PLEKHM1: variants seen among roughly 807,000 people sequenced by gnomAD.
The protein encoded by PLEKHM1 is pleckstrin homology domain-containing family M member 1.
In PLEKHM1, 28 loss-of-function variants were observed where a neutral mutation model predicts 94.3. The observed-to-expected ratio is 0.30, with a 90% CI of 0.22 to 0.41. The LOEUF (loss-of-function observed/expected upper bound fraction) is 0.41, where lower values mean the gene tolerates loss of function less well. PLEKHM1 is among the 10% of genes least tolerant of loss of function. PLEKHM1 has a pLI of 1.00. For synonymous variants in PLEKHM1, 424 were observed against 581.2 expected (o/e 0.73, Z 3.89); for missense variants, 907 against 1,358.6 (o/e 0.67, Z 5.22).
At chr17:45,468,100 G>A (rs1404991756) in intron 5 of PLEKHM1, 109 bp downstream of exon 5, 4 of 1,335,452 alleles carry the variant, frequency 3.0e-6, no homozygotes, top group Non-Finnish European at 2.1e-6. Flanking sequence ...TGCAGGGAGA[G>A]GAAGGCTAAC....
intron 1 of PLEKHM1, among the ~76,000 whole-genome samples, chr17:45,484,788 G>A (rs2052059245): frequency 6.6e-6 from 1 of 152,118 alleles, no homozygotes; most frequent in African/African-American, 2.4e-5. Flanking sequence ...AACAGGGGGT[G>A]CAGGGGAACA....
chr17:45,455,881 C>T (rs2050931104), intron 6 of PLEKHM1, among the ~76,000 whole-genome samples: 2 of 152,168 alleles, frequency 1.3e-5, no homozygotes, highest in Admixed American at 1.3e-4. Flanking sequence ...TGGCGGCCAT[C>T]TCCCTTAGCT....
rs1555585149 is a variant in PLEKHM1, at chr17:45,478,194, G to A, written c.49-47C>T. 1.2e-5 allele frequency: 20 copies of A among 1,613,066 alleles called. No homozygotes were observed. The Middle Eastern group carries it at 2.0e-3, about 160-fold the overall frequency. On this transcript the variant is annotated intron_variant, in intron 2 of 11. Transcript: ENST00000430334. Reference sequence around the variant, plus strand: ...ACAGGCCTTTAGCGGAAAATCCTATGGAGAGTCCCTAGAGTGTAATCCTTT... The same window carrying A: ...ACAGGCCTTTAGCGGAAAATCCTATAGAGAGTCCCTAGAGTGTAATCCTTT...
At chr17:45,451,390 T>C (rs554857899) in intron 7 of PLEKHM1, among the ~76,000 whole-genome samples, 45 of 151,592 alleles carry the variant, frequency 3.0e-4, no homozygotes, top group African/African-American at 1.1e-3. Flanking sequence ...GGAATGGGAG[T>C]GGGATGTGCC....
chr17:45,468,425 G>A lies in PLEKHM1; in HGVS notation c.1092C>T (p.Ala364=). 6.2e-7 allele frequency: 1 copy of A among 1,614,230 alleles called. No homozygotes were observed. Among genetic ancestry groups the A allele is most frequent in the Non-Finnish European group, 8.5e-7 (1 of 1,180,048 alleles). Reference sequence around the variant, plus strand: ...CGTGGACACCATCTTGAGTTCCAGAGGCTGCCTGGGCAGGAAGGGGCTCTG... The same window carrying A: ...CGTGGACACCATCTTGAGTTCCAGAAGCTGCCTGGGCAGGAAGGGGCTCTG... ...APAEPLPAQA[A]SGTQDGVHVQ... Residue 364 remains alanine, a synonymous_variant, in exon 5 of 12, where the codon GCC becomes GCT. Coordinates refer to ENST00000430334, the MANE Select transcript of PLEKHM1 (RefSeq NM_014798.3).
chr17:45,472,830 C>A (rs578176808), intron 4 of PLEKHM1, among the ~76,000 whole-genome samples: 48 of 152,312 alleles, frequency 3.2e-4, no homozygotes, highest in African/African-American at 1.1e-3. Context: ...CACCACCCAA[C>A]GCTGGTGCTC....
At chr17:45,467,844 G>A (rs1262140829) in intron 5 of PLEKHM1, among the ~76,000 whole-genome samples, 1 of 152,226 alleles carries the variant, frequency 6.6e-6, no homozygotes, top group Non-Finnish European at 1.5e-5. Context: ...TCAGAGAGCT[G>A]AAGTGACTTG....
At chr17:45,474,651 C>G (rs915202378) in intron 4 of PLEKHM1, among the ~76,000 whole-genome samples, 1 of 152,154 alleles carries the variant, frequency 6.6e-6, no homozygotes, top group Non-Finnish European at 1.5e-5. Context: ...GACTAAGTAT[C>G]TTGTTTTTTT....
chr17:45,450,609 G>A lies in PLEKHM1; in HGVS notation c.2643+9C>T. The stretch of plus-strand genomic sequence containing the variant: ...CCTCAGCAGCTGGGCTGCTGGGCTT[G>A]AGACTTACCGGGCGCTTGGTGAGGT... On this transcript the variant is annotated intron_variant, in intron 8 of 11. Transcript: ENST00000430334. 1.2e-6 allele frequency: 2 copies of A among 1,613,730 alleles called. No individual in the cohort carries two copies. The highest frequency in any genetic ancestry group is 1.7e-6 in the Non-Finnish European group (2 of 1,179,854).
chr17:45,475,861 T>C (rs1229889506), intron 3 of PLEKHM1, 135 bp from the exon 4 acceptor site: 1 of 984,642 alleles, frequency 1.0e-6, no homozygotes, highest in East Asian at 2.6e-5. Context: ...GGTAATAGTG[T>C]TTTAGGCCAG....
chr17:45,454,047 T>C lies in PLEKHM1; in HGVS notation c.1805A>G (p.Lys602Arg). The change falls in exon 7 of 12, where the codon AAG becomes AGG. Residue 602 changes from lysine (K) to arginine (R), a missense_variant. Physicochemically the swap from Lys to Arg is conservative, Grantham distance 26. This residue lies in a region of PLEKHM1 where 477 missense variants were observed against 601.5 expected (regional missense o/e 0.79). Transcript: ENST00000430334. ...GRFELVFSGK[K>R]LALRASSQDE... is the part of the protein sequence containing the mutation. Reference sequence around the variant, plus strand: ...CTGGGAGGAGGCGCGCAGGGCCAGCTTCTTGCCAGAGAAGACCAGCTCAAA... The same window carrying C: ...CTGGGAGGAGGCGCGCAGGGCCAGCCTCTTGCCAGAGAAGACCAGCTCAAA... The C allele has an allele frequency of 6.2e-7, 1 of 1,614,162 alleles. No individual in the cohort carries two copies. Among genetic ancestry groups the C allele is most frequent in the Non-Finnish European group, 8.5e-7 (1 of 1,180,004 alleles).
chr17:45,483,703 T>G (rs2145355972), intron 1 of PLEKHM1, among the ~76,000 whole-genome samples: 1 of 152,274 alleles, frequency 6.6e-6, no homozygotes, highest in African/African-American at 2.4e-5. Context: ...CTAATTTATG[T>G]TCCTCCTAAG....
In PLEKHM1 at chr17:45,468,202, C is replaced by A. The variant is rs1405257151; in HGVS notation, c.1308+7G>T. On this transcript the variant is annotated splice_region_variant and intron_variant, in intron 5 of 11. Transcript: ENST00000430334. ...AGACTGCCCCCTGAACGGCTTGCAC[C>A]ACTCACCGGACTGGTGGGTGAGGAA... 1 of 1,612,822 alleles carries A rather than the reference C, an allele frequency of 6.2e-7. No individual in the cohort carries two copies. The highest frequency in any genetic ancestry group is 1.3e-5 in the African/African-American group (1 of 74,900).
At chr17:45,472,988 A>T (rs1399453798) in intron 4 of PLEKHM1, among the ~76,000 whole-genome samples, 1 of 152,090 alleles carries the variant, frequency 6.6e-6, no homozygotes, top group Non-Finnish European at 1.5e-5. Context: ...AGAAGTTCCC[A>T]TTTTCCACCT....
At chr17:45,488,868 G>C (rs1247467670) in intron 1 of PLEKHM1, among the ~76,000 whole-genome samples, 1 of 152,182 alleles carries the variant, frequency 6.6e-6, no homozygotes, top group Non-Finnish European at 1.5e-5. Flanking sequence ...GAACCTGGGA[G>C]GCAGAGGTTG....
Position 45,475,485 on chromosome 17 carries a change from A to G in PLEKHM1, c.538T>C (p.Tyr180His). 1 of 1,612,690 alleles carries G rather than the reference A, an allele frequency of 6.2e-7. No individual in the cohort carries two copies. Among genetic ancestry groups the G allele is most frequent in the Non-Finnish European group, 8.5e-7 (1 of 1,178,766 alleles). ...CACTCATTTAAGATGGCAGACTTGTAGGAGAGTTCGAAGGACAAGGACGTG... is the reference window on the plus strand; with the variant it reads ...CACTCATTTAAGATGGCAGACTTGTGGGAGAGTTCGAAGGACAAGGACGTG... The part of the protein sequence containing the change: ...GLTSLSFELS[Y>H]KSAILNEWTL... Residue 180 changes from tyrosine to histidine, a missense_variant, in exon 4 of 12, where the codon TAC (tyrosine) becomes CAC (histidine). Around this residue, in one of 3 missense-constraint regions of PLEKHM1, gnomAD observed 176 missense variants for 306.0 expected, o/e 0.58. Coordinates refer to ENST00000430334, the MANE Select transcript of PLEKHM1 (RefSeq NM_014798.3).
At chr17:45,434,683 G>A (rs571325582), downstream of PLEKHM1, among the ~76,000 whole-genome samples, 44 of 152,228 alleles carry the variant, frequency 2.9e-4, no homozygotes, top group Non-Finnish European at 4.7e-4. Flanking sequence ...GACCTCAGAT[G>A]ATCCAACCTC....
intron 2 of PLEKHM1, among the ~76,000 whole-genome samples, chr17:45,479,703 C>CAAAACAA (rs765917902): frequency 2.1e-4 from 32 of 151,958 alleles, no homozygotes; most frequent in Non-Finnish European, 4.1e-4. Flanking sequence ...CAAAACAAAA[C>CAAAACAA]AAAACAAAAC....
intron 2 of PLEKHM1, among the ~76,000 whole-genome samples, chr17:45,481,736 C>T (rs1388231496): frequency 6.6e-6 from 1 of 151,122 alleles, no homozygotes; most frequent in East Asian, 1.9e-4. Context: ...TGGAGCTGGA[C>T]TCTCCTGTGG....
Sources: gnomAD v4.1 joint callset for allele counts (sites outside exome capture counted in the v4.1 genomes callset) on GRCh38, gnomAD v4.1.1 for gene constraint, gnomAD v4.1.1 regional missense constraint, MANE v1.5 for transcripts, NCBI Gene and HGNC (gene_info 2026-07-23, HGNC 2026-07-21) for gene names.